Variants in DPP4 observed in about 807,000 individuals in gnomAD.
DPP4 encodes the protein dipeptidyl peptidase 4, also known as ADCP-2.
In DPP4, 93 loss-of-function variants were observed where a neutral mutation model predicts 122.4. The ratio of observed to expected loss-of-function variants is 0.76; its 90% CI spans 0.64 to 0.90. The LOEUF (loss-of-function observed/expected upper bound fraction) is 0.90. Among genes scored for constraint, DPP4 ranks in the 40% least tolerant of loss-of-function variants. The pLI is 0.00. For missense variants in DPP4, 914 were observed against 907.3 expected, an observed-to-expected ratio of 1.01 and a Z score of -0.09; for synonymous variants, 321 against 302.9, an observed-to-expected ratio of 1.06 and a Z score of -0.62.
intron 2 of DPP4, among the ~76,000 whole-genome samples, chr2:162,058,439 C>A (rs905824403): frequency 6.6e-6 from 1 of 152,138 alleles, no homozygotes; most frequent in Non-Finnish European, 1.5e-5. Flanking sequence ...AATGTTGCAA[C>A]CCTGTTAACT....
At chr2:162,046,740 G>A (rs1452636536) in intron 4 of DPP4, 175 bp downstream of exon 4, 7 of 671,250 alleles carry the variant, frequency 1.0e-5, no homozygotes, top group East Asian at 2.9e-5. Context: ...ATCGTCAAAG[G>A]AGACTAAAAA....
intron 2 of DPP4, among the ~76,000 whole-genome samples, chr2:162,047,738 G>A (rs1684240089): frequency 6.6e-6 from 1 of 152,068 alleles, no homozygotes. Flanking sequence ...TGCTATATTA[G>A]TGGGCTTTAC....
At chr2:162,017,361 C>T in intron 16 of DPP4, 3 of 561,826 alleles carry the variant, frequency 5.3e-6, no homozygotes, top group East Asian at 2.9e-5. Flanking sequence ...AGAAGTATTA[C>T]TGGAAAGGCA....
At chr2:162,038,207 TCAA>T in intron 8 of DPP4, 92 bp downstream of exon 8, 1 of 1,211,182 alleles carries the variant, frequency 8.3e-7, no homozygotes, top group Non-Finnish European at 1.1e-6. Flanking sequence ...AAACTTTTTT[TCAA>T]TCTCATTTAA....
chr2:162,020,281 TA>T lies in DPP4; in HGVS notation c.1191del (p.Thr398GlnfsTer10). On this transcript the variant is annotated frameshift_variant, in exon 14 of 26. Coordinates refer to ENST00000360534, the MANE Select transcript of DPP4 (RefSeq NM_001935.4). LOFTEE classifies it high-confidence loss of function. ...FQIDKKDCTFITKGTWEVIGI... is the reference protein window; with the variant it reads ...FQIDKKDCTFXTKGTWEVIGI... ...CCGATGACTTCCCAGGTGCCTTTTG[TA>T]ATAAATGTGCAGTCCTGATGGTTTT... 6.3e-7 allele frequency: 1 copy of T among 1,590,268 alleles called. No individual in the cohort carries two copies.
rs200830845 is a variant in DPP4, at chr2:162,016,804, A to C, written c.1531T>G (p.Ser511Ala). ...AAAATAATGAAGTCCAGTTTTTTGG[A>C]GGGCATCTGGACATTCTGCAGCATT... ...DKMLQNVQMP[S>A]KKLDFIILNE... Residue 511 changes from serine to alanine, a missense_variant, in exon 18 of 26, where the codon TCC becomes GCC. Transcript: ENST00000360534. 1.2e-6 allele frequency: 2 copies of C among 1,611,794 alleles called. No homozygotes were observed. Among genetic ancestry groups the C allele is most frequent in the Non-Finnish European group, 1.7e-6 (2 of 1,179,428 alleles).
At chr2:162,017,087 G>A in intron 17 of DPP4, 21 bp downstream of exon 17, 1 of 1,606,992 alleles carries the variant, frequency 6.2e-7, no homozygotes, top group Non-Finnish European at 8.5e-7. Flanking sequence ...AACAAATGAA[G>A]AGTAAAATAT....
chr2:161,998,492 ACCTCCAAAAG>A (rs1701062723), intron 23 of DPP4, among the ~76,000 whole-genome samples: 2 of 151,996 alleles, frequency 1.3e-5, no homozygotes, highest in Admixed American at 6.6e-5. Context: ...ACCTCACCTC[ACCTCCAAAAG>A]CCTCATGGGC....
intron 16 of DPP4, among the ~76,000 whole-genome samples, chr2:162,017,953 G>A (rs1322511220): frequency 6.6e-6 from 1 of 151,858 alleles, no homozygotes; most frequent in East Asian, 1.9e-4. Flanking sequence ...ACTTGATAGA[G>A]ATTTCTTAAA....
At chr2:162,013,143 GAA>G (rs5835890) in intron 19 of DPP4, among the ~76,000 whole-genome samples, 1,773 of 142,230 alleles carry the variant, frequency 0.012, 37 homozygotes, top group African/African-American at 0.038. Flanking sequence ...TTTTAAAATA[GAA>G]AAAAAAAAAA....
chr2:162,017,061 A>C (rs1454571473), intron 17 of DPP4, 47 bp downstream of exon 17: 2 of 1,582,386 alleles, frequency 1.3e-6, no homozygotes, highest in South Asian at 1.1e-5. Flanking sequence ...AGACTTATGC[A>C]ACACACTTTC....
chr2:162,063,960 A>G (rs1296652617), intron 2 of DPP4, among the ~76,000 whole-genome samples: 2 of 152,160 alleles, frequency 1.3e-5, no homozygotes, highest in Non-Finnish European at 2.9e-5. Context: ...AGTAGGCAAA[A>G]GGGATGGGAC....
At chr2:162,017,317 C>A in intron 16 of DPP4, 162 bp from the exon 17 acceptor site, 1 of 615,870 alleles carries the variant, frequency 1.6e-6, no homozygotes, top group Non-Finnish European at 2.8e-6. Context: ...GTTTCTCCTC[C>A]CCCTCTCTTT....
intron 9 of DPP4, 27 bp downstream of exon 9, chr2:162,035,137 A>G (rs1390624344): frequency 6.3e-7 from 1 of 1,587,050 alleles, no homozygotes; most frequent in Non-Finnish European, 8.6e-7. Flanking sequence ...CAAATCATGG[A>G]ACCACTGTAC....
chr2:162,003,690 G>T (rs1270537759), intron 23 of DPP4, among the ~76,000 whole-genome samples: 1 of 152,160 alleles, frequency 6.6e-6, no homozygotes, highest in Non-Finnish European at 1.5e-5. Context: ...TATTCTGGTT[G>T]GGTCGTTAAC....
chr2:162,056,200 T>G (rs1684568921), intron 2 of DPP4, among the ~76,000 whole-genome samples: 2 of 152,244 alleles, frequency 1.3e-5, no homozygotes, highest in African/African-American at 2.4e-5. Context: ...GATTATACAT[T>G]TTACTTTTTT....
chr2:162,004,428 C>T (rs1316471573), intron 23 of DPP4, among the ~76,000 whole-genome samples: 3 of 152,108 alleles, frequency 2.0e-5, no homozygotes, highest in Non-Finnish European at 4.4e-5. Flanking sequence ...GGACACTTAG[C>T]AGAAATGGGG....
intron 2 of DPP4, 159 bp downstream of exon 2, chr2:162,073,240 C>A: frequency 1.5e-6 from 1 of 651,900 alleles, no homozygotes. Context: ...AATCCAGCTG[C>A]TGCTCTACAA....
chr2:161,998,372 C>T (rs1701058310), intron 23 of DPP4, among the ~76,000 whole-genome samples: 1 of 152,176 alleles, frequency 6.6e-6, no homozygotes, highest in South Asian at 2.1e-4. Flanking sequence ...TGCTCTCAGC[C>T]TGCACTGACT....
Sources: gnomAD v4.1 joint callset for allele counts (sites outside exome capture counted in the v4.1 genomes callset) on GRCh38, gnomAD v4.1.1 for gene constraint, MANE v1.5 for transcripts, NCBI Gene and HGNC (gene_info 2026-07-23, HGNC 2026-07-21) for gene names.